Variants in USP22 observed in about 807,000 individuals in gnomAD.
USP22 encodes ubiquitin carboxyl-terminal hydrolase 22.
In USP22, 22 loss-of-function variants were observed where a neutral mutation model predicts 68.1. That is an observed-to-expected ratio of 0.32 (90% CI 0.23 to 0.46). USP22 has a LOEUF of 0.46. Ranked by LOEUF, USP22 falls within the 20% of genes least tolerant of loss-of-function variation. USP22 has a pLI of 1.00. For synonymous variants in USP22, 279 were observed against 274.2 expected, an observed-to-expected ratio of 1.02 and a Z score of -0.17; for missense variants, 433 against 695.8, an observed-to-expected ratio of 0.62 and a Z score of 4.25.
Position 21,003,082 on chromosome 17 carries a change from G to A in USP22, c.1536-9C>T. On this transcript the variant is annotated splice_polypyrimidine_tract_variant and intron_variant, in intron 12 of 12. Transcript: ENST00000261497. ...GATAGAACAGCAAGTACCTGTGGAG[G>A]CAGAGAGAGGGAGGAGGCTCACCTC... The A allele has an allele frequency of 6.2e-7, 1 of 1,613,868 alleles. No individual in the cohort carries two copies. The highest frequency in any genetic ancestry group is 8.5e-7 in the Non-Finnish European group (1 of 1,179,888).
intron 1 of USP22, among the ~76,000 whole-genome samples, chr17:21,041,184 G>A (rs949898246): frequency 4.6e-5 from 7 of 151,826 alleles, no homozygotes; most frequent in Admixed American, 1.3e-4. Context: ...CGCCAAGCCA[G>A]GCCATCTTTT....
intron 2 of USP22, among the ~76,000 whole-genome samples, chr17:21,025,258 A>G (rs1972205828): frequency 6.6e-6 from 1 of 152,362 alleles, no homozygotes; most frequent in East Asian, 1.9e-4. Context: ...CAAATGGCCC[A>G]ACAAGCACAT....
In USP22 at chr17:21,012,819, C is replaced by G; in HGVS notation, c.944+11G>C. 2 of 1,613,056 alleles carry G rather than the reference C, an allele frequency of 1.2e-6. No homozygotes were observed. Among genetic ancestry groups the G allele is most frequent in the Non-Finnish European group, 1.7e-6 (2 of 1,179,126 alleles). The stretch of plus-strand genomic sequence containing the variant: ...GGTTTGATATTGCCGAGCACGCAGC[C>G]TCTCACTTACTGGCAGACTTGGCAG... On this transcript the variant is annotated intron_variant, in intron 7 of 12. Transcript: ENST00000261497.
rs1471700289 is a variant in USP22, at chr17:21,011,382, G to T, written c.945-73C>A. 10 of 1,530,512 alleles carry T rather than the reference G, an allele frequency of 6.5e-6. No homozygotes were observed. The East Asian group carries it at 2.5e-4, about 38-fold the overall frequency. 94.8% of individuals were successfully genotyped at this position (1,530,512 alleles called of 1,614,324 possible). ...GCTCCAGAGGCAACCCGGGGTGGAA[G>T]CCGTTCCCACATCCCTTCCCCGCTG... On this transcript the variant is annotated intron_variant, in intron 7 of 12. Coordinates refer to ENST00000261497, the MANE Select transcript of USP22 (RefSeq NM_015276.2).
At chr17:21,036,936 T>C (rs1275078142) in intron 1 of USP22, among the ~76,000 whole-genome samples, 1 of 152,172 alleles carries the variant, frequency 6.6e-6, no homozygotes, top group Admixed American at 6.5e-5. Flanking sequence ...CTAGGGATCC[T>C]TGGAAAATGC....
rs181234519 is a variant in USP22, at chr17:21,040,156, C to T, written c.171+2509G>A. ...GACCATTGCACTCCATCCTGGGTAACAGAGCAAGACTCTGTCTCTACAAAA... is the reference window on the plus strand; with the variant it reads ...GACCATTGCACTCCATCCTGGGTAATAGAGCAAGACTCTGTCTCTACAAAA... On this transcript the variant is annotated intron_variant, in intron 1 of 12. Coordinates refer to ENST00000261497, the MANE Select transcript of USP22 (RefSeq NM_015276.2). 2.4e-3 allele frequency among the ~76,000 whole-genome samples: 359 copies of T among 152,260 alleles called. 3 individuals carry two copies. Among genetic ancestry groups the T allele is most frequent in the African/African-American group, 8.4e-3 (349 of 41,536 alleles).
Position 21,042,765 on chromosome 17 carries a change from G to A in USP22, c.71C>T (p.Ser24Leu), listed in dbSNP as rs1232745287. The A allele has an allele frequency of 1.3e-6, 2 of 1,497,506 alleles. No individual in the cohort carries two copies. Among genetic ancestry groups the A allele is most frequent in the Non-Finnish European group, 1.8e-6 (2 of 1,125,598 alleles). 92.8% of individuals were successfully genotyped at this position (1,497,506 alleles called of 1,614,324 possible). A position where few individuals can be genotyped will look rare whatever the true frequency, so the allele number is the denominator to read the frequency against. Residue 24 changes from serine (S) to leucine (L), a missense_variant, in exon 1 of 13, where the codon TCG becomes TTG. By Grantham distance (145) the Ser-to-Leu change is moderately radical (BLOSUM62 -2). Around this residue, in one of 4 missense-constraint regions of USP22, gnomAD observed 110 missense variants for 89.9 expected, o/e 1.22. Transcript: ENST00000261497. ...GTCCACCTTGAAGCTGCCCAGGTGC[G>A]AGCAGCCCGGCGGCGCTACCGCCAG... Reference protein sequence around the residue: ...AELAVAPPGCSHLGSFKVDNW... With the variant: ...AELAVAPPGCLHLGSFKVDNW...
chr17:21,011,331 T>C, intron 7 of USP22, 22 bp from the exon 8 acceptor site: 2 of 1,551,676 alleles, frequency 1.3e-6, no homozygotes, highest in Middle Eastern at 1.7e-4. Context: ...GGGAAAACAA[T>C]GGCTGTGAGG....
intron 1 of USP22, among the ~76,000 whole-genome samples, chr17:21,041,082 A>C (rs1366926880): frequency 1.3e-5 from 2 of 151,500 alleles, no homozygotes; most frequent in African/African-American, 4.8e-5. Flanking sequence ...ATGAGGTTTC[A>C]CCATGTTGGC....
At chr17:21,033,732 A>G (rs1422425194) in intron 1 of USP22, among the ~76,000 whole-genome samples, 2 of 151,174 alleles carry the variant, frequency 1.3e-5, no homozygotes, top group African/African-American at 4.9e-5. Flanking sequence ...AAACACTGAC[A>G]TAAGTGAAGG....
chr17:21,038,636 C>T (rs1228030299), intron 1 of USP22, among the ~76,000 whole-genome samples: 1 of 150,688 alleles, frequency 6.6e-6, no homozygotes, highest in East Asian at 1.9e-4. Flanking sequence ...CCACTGCACT[C>T]CAGCCTGAGT....
intron 8 of USP22, among the ~76,000 whole-genome samples, chr17:21,009,322 T>C (rs1015225602): frequency 1.3e-5 from 2 of 152,134 alleles, no homozygotes; most frequent in African/African-American, 4.8e-5. Context: ...AAAGCCCTTA[T>C]TTATGCTCTG....
intron 1 of USP22, among the ~76,000 whole-genome samples, chr17:21,038,142 T>C (rs1972379919): frequency 6.6e-6 from 1 of 152,192 alleles, no homozygotes; most frequent in Non-Finnish European, 1.5e-5. Context: ...ATAGCACATA[T>C]CATCCCAGCA....
chr17:21,032,004 T>C (rs1972296669), intron 1 of USP22, among the ~76,000 whole-genome samples: 1 of 152,230 alleles, frequency 6.6e-6, no homozygotes, highest in African/African-American at 2.4e-5. Flanking sequence ...ACACACCACA[T>C]AGCAATGTTT....
intron 1 of USP22, among the ~76,000 whole-genome samples, chr17:21,035,138 G>A (rs2143639002): frequency 6.6e-6 from 1 of 152,260 alleles, no homozygotes; most frequent in Admixed American, 6.5e-5. Context: ...TTTAAATTGA[G>A]CTCACCTCAC....
chr17:21,018,238 G>A (rs577416917), intron 4 of USP22, 127 bp from the exon 5 acceptor site: 11 of 664,876 alleles, frequency 1.7e-5, no homozygotes, highest in African/African-American at 3.9e-5. Context: ...GCCAGAACAC[G>A]ATGAGATATC....
intron 4 of USP22, 75 bp from the exon 5 acceptor site, chr17:21,018,186 C>G: frequency 7.2e-7 from 1 of 1,383,116 alleles, no homozygotes; most frequent in South Asian, 1.5e-5. Flanking sequence ...CAGCGGCTTC[C>G]TCTACCTCTA....
chr17:21,028,527 A>G lies in USP22; in HGVS notation c.304+15T>C. The G allele has an allele frequency of 6.2e-7, 1 of 1,613,412 alleles. No homozygotes were observed. The highest frequency in any genetic ancestry group is 1.3e-5 in the African/African-American group (1 of 75,000). Reference sequence around the variant, plus strand: ...GGGGCCACAACTATCCCCCCATCCCAGAAGCTCGCCTCACCCAGGTTGTGC... The same window carrying G: ...GGGGCCACAACTATCCCCCCATCCCGGAAGCTCGCCTCACCCAGGTTGTGC... On this transcript the variant is annotated intron_variant, in intron 2 of 12. Coordinates refer to ENST00000261497, the MANE Select transcript of USP22 (RefSeq NM_015276.2).
Position 21,042,777 on chromosome 17 carries a change from G to T in USP22, c.59C>A (p.Pro20Gln). Reference protein sequence around the residue: ...EAMDAELAVAPPGCSHLGSFK... With the variant: ...EAMDAELAVAQPGCSHLGSFK... ...GCTGCCCAGGTGCGAGCAGCCCGGC[G>T]GCGCTACCGCCAGCTCGGCGTCCAT... The change falls in exon 1 of 13, where the codon CCG (proline) becomes CAG (glutamine). Residue 20 changes from proline (P) to glutamine (Q), a missense_variant. Around this residue, in one of 4 missense-constraint regions of USP22, gnomAD observed 110 missense variants for 89.9 expected, o/e 1.22. Transcript: ENST00000261497. 6.7e-7 allele frequency: 1 copy of T among 1,491,824 alleles called. No individual in the cohort carries two copies. 92.4% of individuals were successfully genotyped at this position (1,491,824 alleles called of 1,614,324 possible).
Sources: gnomAD v4.1 joint callset for allele counts (sites outside exome capture counted in the v4.1 genomes callset) on GRCh38, gnomAD v4.1.1 for gene constraint, gnomAD v4.1.1 regional missense constraint, MANE v1.5 for transcripts, NCBI Gene and HGNC (gene_info 2026-07-23, HGNC 2026-07-21) for gene names.